Variants in NXN observed in about 807,000 individuals in gnomAD.
The protein encoded by NXN is nucleoredoxin 1.
In NXN, 16 loss-of-function variants were observed where a neutral mutation model predicts 48.6. That is an observed-to-expected ratio of 0.33 (90% confidence interval 0.22 to 0.50). NXN has a LOEUF of 0.50. NXN is among the 20% of genes least tolerant of loss of function. The pLI is 0.98. For synonymous variants in NXN, 281 were observed against 269.6 expected (o/e 1.04, Z -0.41); for missense variants, 492 against 605.5 (o/e 0.81, Z 1.97).
rs780193065 is a variant in NXN at position 805,187 on chromosome 17, A to G, written c.881T>C (p.Val294Ala). The G allele has an allele frequency of 6.3e-7, 1 of 1,591,418 alleles. No homozygotes were observed. Among genetic ancestry groups the G allele is most frequent in the East Asian group, 2.3e-5 (1 of 43,858 alleles). Residue 294 changes from valine (V) to alanine (A), a missense_variant, in exon 6 of 8, where the codon GTG becomes GCG. Transcript: ENST00000336868. ...GCAGTCCTCGTCGTTCAGCACCTCC[A>G]CCCGCCCCTGCCGCGTGATCACCTC... ...QGEVITRQGRVEVLNDEDCRE... is the reference protein window; with the variant it reads ...QGEVITRQGRAEVLNDEDCRE...
At chr17:908,185 A>C (rs1001814434) in intron 1 of NXN, among the ~76,000 whole-genome samples, 1 of 152,170 alleles carries the variant, frequency 6.6e-6, no homozygotes, top group African/African-American at 2.4e-5. Context: ...AGGAAGAACA[A>C]TTTCCTCAAT....
chr17:803,217 C>G (rs1290059531), intron 7 of NXN, among the ~76,000 whole-genome samples: 1 of 152,214 alleles, frequency 6.6e-6, no homozygotes, highest in African/African-American at 2.4e-5. Flanking sequence ...GGAGCGGCAG[C>G]AATTTCCAAC....
intron 1 of NXN, among the ~76,000 whole-genome samples, chr17:856,296 C>G (rs1433908887): frequency 6.6e-6 from 1 of 152,096 alleles, no homozygotes; most frequent in Admixed American, 6.6e-5. Flanking sequence ...AGGAGACGGA[C>G]ATTCTAAAGT....
chr17:959,028 G>A, intron 1 of NXN: 1 of 259,324 alleles, frequency 3.9e-6, no homozygotes, highest in Non-Finnish European at 7.4e-6. Flanking sequence ...GCGGAGCCGA[G>A]GGACCATGGT....
chr17:853,988 G>A (rs2067957153), intron 1 of NXN, among the ~76,000 whole-genome samples: 1 of 151,936 alleles, frequency 6.6e-6, no homozygotes, highest in Admixed American at 6.6e-5. Context: ...CCAAAGTGCT[G>A]GGATAACAGG....
At chr17:957,271 C>T (rs2069181354) in intron 1 of NXN, among the ~76,000 whole-genome samples, 1 of 152,006 alleles carries the variant, frequency 6.6e-6, no homozygotes, top group African/African-American at 2.4e-5. Context: ...AGAGGAACTT[C>T]CTCTACTTCA....
At chr17:823,251 TAGTC>T (rs1454699264) in intron 3 of NXN, among the ~76,000 whole-genome samples, 3 of 151,600 alleles carry the variant, frequency 2.0e-5, no homozygotes, top group African/African-American at 7.3e-5. Flanking sequence ...ATACAAAAAT[TAGTC>T]AGGCGTGGTG....
chr17:934,102 T>C (rs2068880559), intron 1 of NXN, among the ~76,000 whole-genome samples: 1 of 152,124 alleles, frequency 6.6e-6, no homozygotes. Flanking sequence ...TGGGGAAATT[T>C]AGAAAGTACA....
intron 1 of NXN, among the ~76,000 whole-genome samples, chr17:973,114 C>T (rs1041807164): frequency 2.0e-5 from 3 of 152,150 alleles, no homozygotes; most frequent in Non-Finnish European, 2.9e-5. Context: ...CATTCCAACC[C>T]GTGTCAGAAG....
At chr17:824,503 AC>A (rs1274345871) in intron 2 of NXN, among the ~76,000 whole-genome samples, 2 of 152,198 alleles carry the variant, frequency 1.3e-5, no homozygotes, top group Admixed American at 1.3e-4. Context: ...TCGGGAATCA[AC>A]CCGATACCCG....
intron 5 of NXN, among the ~76,000 whole-genome samples, chr17:812,491 G>T (rs998300525): frequency 6.6e-6 from 1 of 152,212 alleles, no homozygotes; most frequent in East Asian, 1.9e-4. Context: ...GGAGCAGGAC[G>T]TCCCCAGAGA....
chr17:927,580 C>A (rs1430398844), intron 1 of NXN, among the ~76,000 whole-genome samples: 218 of 117,578 alleles, frequency 1.9e-3, no homozygotes, highest in Admixed American at 2.3e-3. Context: ...AACCTTGTCT[C>A]AAAAAAAAAA....
At chr17:899,587 T>G (rs774104989) in intron 1 of NXN, among the ~76,000 whole-genome samples, 2 of 152,194 alleles carry the variant, frequency 1.3e-5, no homozygotes, top group Non-Finnish European at 2.9e-5. Flanking sequence ...TCGTCAGGAA[T>G]TAGCGCTGAG....
chr17:851,890 A>G (rs1310232448), intron 1 of NXN, among the ~76,000 whole-genome samples: 3 of 152,240 alleles, frequency 2.0e-5, no homozygotes, highest in Non-Finnish European at 4.4e-5. Context: ...GGCTTTCTCT[A>G]TGGAAGGGAG....
At chr17:814,061 G>C (rs1408431472) in intron 5 of NXN, among the ~76,000 whole-genome samples, 4 of 151,958 alleles carry the variant, frequency 2.6e-5, no homozygotes, top group Admixed American at 2.0e-4. Flanking sequence ...AGGAGCTCAA[G>C]ACCAGGCTGG....
chr17:947,275 A>G (rs1410802366), intron 1 of NXN, among the ~76,000 whole-genome samples: 1 of 152,152 alleles, frequency 6.6e-6, no homozygotes, highest in Non-Finnish European at 1.5e-5. Context: ...TGCTGATGTG[A>G]GATGGACTCT....
chr17:814,140 T>C (rs1423954596), intron 5 of NXN, among the ~76,000 whole-genome samples: 1 of 151,820 alleles, frequency 6.6e-6, no homozygotes, highest in Non-Finnish European at 1.5e-5. Context: ...TGGGTGCCTA[T>C]AATCCCAGCT....
At chr17:879,037 C>T (rs372402455) in intron 1 of NXN, among the ~76,000 whole-genome samples, 9 of 151,942 alleles carry the variant, frequency 5.9e-5, no homozygotes, top group East Asian at 2.0e-4. Context: ...TGGTGGCAGG[C>T]GCCTCTAATC....
At chr17:884,913 C>G (rs2467260) in intron 1 of NXN, among the ~76,000 whole-genome samples, 1 of 152,164 alleles carries the variant, frequency 6.6e-6, no homozygotes, top group Non-Finnish European at 1.5e-5. Flanking sequence ...AAAGTGTGGG[C>G]TTTCCCCCAA....
Sources: gnomAD v4.1 joint callset for allele counts (sites outside exome capture counted in the v4.1 genomes callset) on GRCh38, gnomAD v4.1.1 for gene constraint, MANE v1.5 for transcripts, NCBI Gene and HGNC (gene_info 2026-07-23, HGNC 2026-07-21) for gene names.